The following MID1IP1 variants were observed in gnomAD, a reference collection of about 807,000 sequenced individuals.
MID1IP1 encodes mid1-interacting protein 1.
Under a neutral mutation model 6.8 loss-of-function variants are expected in MID1IP1, and 3 were observed. That is an observed-to-expected ratio of 0.44 (90% confidence interval 0.20 to 1.14). The LOEUF (loss-of-function observed/expected upper bound fraction) is 1.14. Among genes scored for constraint, MID1IP1 ranks in the 50% most tolerant of loss-of-function variants. The pLI is 0.26. For missense variants in MID1IP1, 127 were observed against 158.4 expected, an observed-to-expected ratio of 0.80 and a Z score of 1.06; for synonymous variants, 87 against 70.4, an observed-to-expected ratio of 1.24 and a Z score of -1.18.
At position 38,805,128 on chromosome X, in the gene MID1IP1, G is replaced by C. The variant is rs757312292; in HGVS notation, c.182G>C (p.Gly61Ala). 8.3e-7 allele frequency: 1 copy of C among 1,208,417 alleles called. No homozygotes were observed. Among genetic ancestry groups the C allele is most frequent in the African/African-American group, 1.7e-5 (1 of 57,760 alleles). ...DVGVEVGGSG[G>A]CLEERTPPVP... The stretch of plus-strand genomic sequence containing the variant: ...GGCGTGGAGGTAGGCGGCAGTGGCG[G>C]CTGCCTGGAGGAGCGCACGCCCCCA... Residue 61 changes from glycine (G) to alanine (A), a missense_variant, in exon 3 of 3, where the codon GGC (glycine) becomes GCC (alanine). Transcript: ENST00000614558.
intron 2 of MID1IP1, 79 bp downstream of exon 2, chrX:38,804,492 G>GGTA (rs1481624735): frequency 5.1e-5 from 6 of 117,697 alleles, no homozygotes; most frequent in African/African-American, 1.6e-4. Flanking sequence ...AAGTTGTGGT[G>GGTA]GTGGGGGGAC....
Position 38,805,464 on chromosome X carries a change from A to C in MID1IP1, c.518A>C (p.Lys173Thr). ...RKANILTNRY[K>T]QEIGFGNWGH ...GCCAACATCCTCACTAACAGATACA[A>C]GCAGGAGATCGGCTTCGGCAATTGG... Residue 173 changes from lysine (K) to threonine (T), a missense_variant, in exon 3 of 3, where the codon AAG becomes ACG. Coordinates refer to ENST00000614558, the MANE Select transcript of MID1IP1 (RefSeq NM_021242.6). 1 of 1,209,652 alleles carries C rather than the reference A, an allele frequency of 8.3e-7. No homozygotes were observed. The highest frequency in any genetic ancestry group is 1.1e-6 in the Non-Finnish European group (1 of 895,087).
Position 38,805,253 on chromosome X carries a change from TG to T in MID1IP1, c.313del (p.Val105SerfsTer138). On this transcript the variant is annotated frameshift_variant, in exon 3 of 3. Coordinates refer to ENST00000614558, the MANE Select transcript of MID1IP1 (RefSeq NM_021242.6). LOFTEE classifies it high-confidence loss of function. ...CAAGTCCATCCGCAACGACATCGAG[TG>T]GGGGGTCCTGCACCAGCCGCCTCCA... ...LLKSIRNDIEWGVLHQPPPPA... is the reference protein window; with the variant it reads ...LLKSIRNDIEXGVLHQPPPPA... 1 of 1,197,358 alleles carries T rather than the reference TG, an allele frequency of 8.4e-7. No individual in the cohort carries two copies. The highest frequency in any genetic ancestry group is 1.1e-6 in the Non-Finnish European group (1 of 887,468).
chrX:38,803,154 A>G lies in MID1IP1; in HGVS notation c.-1524A>G, dbSNP rs1053618190. Reference sequence around the variant, plus strand: ...TATGGCAAGGGACATGAGATGGGAAAAATTAAATAGGCTGTGGTTTGGAAG... The same window carrying G: ...TATGGCAAGGGACATGAGATGGGAAGAATTAAATAGGCTGTGGTTTGGAAG... On this transcript the variant is annotated 5_prime_UTR_variant, in exon 2 of 3. Transcript: ENST00000614558. 3 of 112,799 alleles carry G rather than the reference A, an allele frequency of 2.7e-5. No individual in the cohort carries two copies. Among genetic ancestry groups the G allele is most frequent in the African/African-American group, 6.5e-5 (2 of 30,981 alleles). 9.3% of individuals were successfully genotyped at this position (112,799 alleles called of 1,213,427 possible).
Position 38,805,291 on chromosome X carries a change from C to A in MID1IP1, c.345C>A (p.Ser115Arg). 8.3e-7 allele frequency: 1 copy of A among 1,201,969 alleles called. No homozygotes were observed. ...ACCAGCCGCCTCCACCGGCTGGGAG[C>A]GAGGAGGGCAGTGCCTGGAAGTCCA... ...VLHQPPPPAG[S>R]EEGSAWKSKD... is the part of the protein sequence containing the mutation. The change falls in exon 3 of 3, where the codon AGC (serine) becomes AGA (arginine). Residue 115 changes from serine (S) to arginine (R), a missense_variant. By Grantham distance (110) the Ser-to-Arg change is moderately radical. Coordinates refer to ENST00000614558, the MANE Select transcript of MID1IP1 (RefSeq NM_021242.6).
In MID1IP1 at chrX:38,805,205, A is replaced by G; in HGVS notation, c.259A>G (p.Met87Val). The stretch of plus-strand genomic sequence containing the variant: ...CAGCTTTTTCGCGCCCTCTCGGGAC[A>G]TGTACAGCCACTACGTGCTTCTCAA... ...NGSFFAPSRD[M>V]YSHYVLLKSI... The change falls in exon 3 of 3, where the codon ATG (methionine) becomes GTG (valine). Residue 87 changes from methionine (M) to valine (V), a missense_variant. By Grantham distance (21) the Met-to-Val change is conservative (BLOSUM62 1). Transcript: ENST00000614558. 8.3e-7 allele frequency: 1 copy of G among 1,208,690 alleles called. No homozygotes were observed. The highest frequency in any genetic ancestry group is 1.1e-6 in the Non-Finnish European group (1 of 893,949).
chrX:38,805,112 G>A lies in MID1IP1; in HGVS notation c.166G>A (p.Val56Ile), dbSNP rs372319620. The change falls in exon 3 of 3, where the codon GTA (valine) becomes ATA (isoleucine). Residue 56 changes from valine to isoleucine, a missense_variant. Physicochemically the swap from Val to Ile is conservative, Grantham distance 29 (BLOSUM62 3). Transcript: ENST00000614558. Reference sequence around the variant, plus strand: ...GTTAGACAACGATGTTGGCGTGGAGGTAGGCGGCAGTGGCGGCTGCCTGGA... The same window carrying A: ...GTTAGACAACGATGTTGGCGTGGAGATAGGCGGCAGTGGCGGCTGCCTGGA... ...PGLDNDVGVE[V>I]GGSGGCLEER... is the part of the protein sequence containing the mutation. The A allele has an allele frequency of 5.0e-6, 6 of 1,208,966 alleles. No individual in the cohort carries two copies. In the African/African-American group the frequency reaches 1.0e-4, roughly 21 times the overall value.
In MID1IP1 at chrX:38,806,182, T is replaced by G. The variant is rs2070517273; in HGVS notation, c.*684T>G. 8.6e-6 allele frequency: 1 copy of G among 115,853 alleles called. No homozygotes were observed. The highest frequency in any genetic ancestry group is 1.0e-4 in the Admixed American group (1 of 9,794). The allele number at this position is 115,853 out of a possible 1,213,427, so 9.5% of individuals were successfully genotyped here. A position where few individuals can be genotyped will look rare whatever the true frequency, so the allele number is the denominator to read the frequency against. ...TGGCACCCCCACCCCATCCCTTTCG[T>G]GCCACTCCCGTCCCCACCCCCACCC... On this transcript the variant is annotated 3_prime_UTR_variant, in exon 3 of 3. Coordinates refer to ENST00000614558, the MANE Select transcript of MID1IP1 (RefSeq NM_021242.6).
chrX:38,805,171 C>A lies in MID1IP1; in HGVS notation c.225C>A (p.Ser75Arg), dbSNP rs769397694. Residue 75 changes from serine (S) to arginine (R), a missense_variant, in exon 3 of 3, where the codon AGC (serine) becomes AGA (arginine). Transcript: ENST00000614558. ...ERTPPVPDSG[S>R]ANGSFFAPSR... ...CGCCCCCAGTCCCCGACTCGGGAAGCGCCAATGGCAGCTTTTTCGCGCCCT... is the reference window on the plus strand; with the variant it reads ...CGCCCCCAGTCCCCGACTCGGGAAGAGCCAATGGCAGCTTTTTCGCGCCCT... 1 of 1,210,436 alleles carries A rather than the reference C, an allele frequency of 8.3e-7. No individual in the cohort carries two copies. The highest frequency in any genetic ancestry group is 1.8e-5 in the South Asian group (1 of 56,839).
chrX:38,805,450 C>A lies in MID1IP1; in HGVS notation c.504C>A (p.Leu168=). The A allele has an allele frequency of 1.7e-6, 2 of 1,210,046 alleles. No individual in the cohort carries two copies. Among genetic ancestry groups the A allele is most frequent in the Non-Finnish European group, 2.2e-6 (2 of 895,215 alleles). The part of the protein sequence containing the change: ...LSKLTRKANI[L]TNRYKQEIGF... ...AACTCACGCGCAAAGCCAACATCCT[C>A]ACTAACAGATACAAGCAGGAGATCG... is the stretch of plus-strand genomic sequence containing the variant. The change falls in exon 3 of 3, where the codon CTC becomes CTA. Residue 168 remains leucine (L), a synonymous_variant. Transcript: ENST00000614558.
Position 38,805,307 on chromosome X carries a change from T to C in MID1IP1, c.361T>C (p.Trp121Arg), listed in dbSNP as rs773293948. ...PPAGSEEGSA[W>R]KSKDILVDLG... is the part of the protein sequence containing the mutation. Reference sequence around the variant, plus strand: ...GGCTGGGAGCGAGGAGGGCAGTGCCTGGAAGTCCAAGGACATCCTGGTGGA... The same window carrying C: ...GGCTGGGAGCGAGGAGGGCAGTGCCCGGAAGTCCAAGGACATCCTGGTGGA... Residue 121 changes from tryptophan (W) to arginine (R), a missense_variant, in exon 3 of 3, where the codon TGG becomes CGG. By Grantham distance (101) the Trp-to-Arg change is moderately radical. Transcript: ENST00000614558. 1 of 1,206,268 alleles carries C rather than the reference T, an allele frequency of 8.3e-7. No homozygotes were observed.
rs954473663 is a variant in MID1IP1, at chrX:38,805,832, C to G, written c.*334C>G. ...TCTGTTCTTTTCGGAGGAGAGGGCC[C>G]GAGAAGGGGCCATACCAGGGCGCGG... On this transcript the variant is annotated 3_prime_UTR_variant, in exon 3 of 3. Transcript: ENST00000614558. The G allele has an allele frequency of 3.7e-5, 9 of 245,397 alleles. No homozygotes were observed. The highest frequency in any genetic ancestry group is 3.4e-4 in the South Asian group (4 of 11,650). 20.2% of individuals were successfully genotyped at this position (245,397 alleles called of 1,213,427 possible).
In MID1IP1 at chrX:38,805,703, A is replaced by C. The variant is rs1016957576; in HGVS notation, c.*205A>C. On this transcript the variant is annotated 3_prime_UTR_variant, in exon 3 of 3. Transcript: ENST00000614558. The stretch of plus-strand genomic sequence containing the variant: ...GAAGAAAATGGTGGCCGGAGATGGG[A>C]GGGCCCAAGGAACCTCCTGGGAGGG... 196 of 457,060 alleles carry C rather than the reference A, an allele frequency of 4.3e-4. No individual in the cohort carries two copies. Among genetic ancestry groups the C allele is most frequent in the Non-Finnish European group, 5.7e-4 (148 of 259,407 alleles). 37.7% of individuals were successfully genotyped at this position (457,060 alleles called of 1,213,427 possible). A position where few individuals can be genotyped will look rare whatever the true frequency, so the allele number is the denominator to read the frequency against.
rs770642121 is a variant in MID1IP1, at chrX:38,805,295, G to A, written c.349G>A (p.Glu117Lys). The change falls in exon 3 of 3, where the codon GAG becomes AAG. Residue 117 changes from glutamate (E) to lysine (K), a missense_variant. Physicochemically the swap from Glu to Lys is moderately conservative, Grantham distance 56. Transcript: ENST00000614558. ...HQPPPPAGSE[E>K]GSAWKSKDIL... is the part of the protein sequence containing the mutation. The stretch of plus-strand genomic sequence containing the variant: ...GCCGCCTCCACCGGCTGGGAGCGAG[G>A]AGGGCAGTGCCTGGAAGTCCAAGGA... 4.2e-6 allele frequency: 5 copies of A among 1,201,542 alleles called. No homozygotes were observed. Among genetic ancestry groups the A allele is most frequent in the East Asian group, 3.0e-5 (1 of 33,599 alleles).
chrX:38,805,179 G>C lies in MID1IP1; in HGVS notation c.233G>C (p.Gly78Ala), dbSNP rs1342984634. The C allele has an allele frequency of 8.3e-7, 1 of 1,210,569 alleles. No homozygotes were observed. ...PPVPDSGSAN[G>A]SFFAPSRDMY... is the part of the protein sequence containing the mutation. ...GTCCCCGACTCGGGAAGCGCCAATG[G>C]CAGCTTTTTCGCGCCCTCTCGGGAC... The change falls in exon 3 of 3, where the codon GGC becomes GCC. Residue 78 changes from glycine (G) to alanine (A), a missense_variant. Gly to Ala is a moderately conservative substitution (Grantham distance 60). Transcript: ENST00000614558.
rs2070496176 is a variant in MID1IP1 at position 38,804,692 on chromosome X, C to A, written c.-255C>A. 2.7e-6 allele frequency: 1 copy of A among 374,639 alleles called. No homozygotes were observed. The highest frequency in any genetic ancestry group is 4.7e-6 in the Non-Finnish European group (1 of 214,826). The allele number at this position is 374,639 out of a possible 1,213,427, so 30.9% of individuals were successfully genotyped here. ...TCCGTGTATCAAACAGGCCAGGGCTCGACCCACAGAGCACCCTCAGCCATC... is the reference window on the plus strand; with the variant it reads ...TCCGTGTATCAAACAGGCCAGGGCTAGACCCACAGAGCACCCTCAGCCATC... On this transcript the variant is annotated 5_prime_UTR_variant, in exon 3 of 3. Coordinates refer to ENST00000614558, the MANE Select transcript of MID1IP1 (RefSeq NM_021242.6).
chrX:38,805,513 G>A lies in MID1IP1; in HGVS notation c.*15G>A, dbSNP rs749204158. Reference sequence around the variant, plus strand: ...GGGGCCACTGAGGCGTGGCGCCCGTGGCTGCCCAGCACCTTCTTCGACCCA... The same window carrying A: ...GGGGCCACTGAGGCGTGGCGCCCGTAGCTGCCCAGCACCTTCTTCGACCCA... On this transcript the variant is annotated 3_prime_UTR_variant, in exon 3 of 3. Coordinates refer to ENST00000614558, the MANE Select transcript of MID1IP1 (RefSeq NM_021242.6). 2.9e-5 allele frequency: 35 copies of A among 1,196,526 alleles called. No individual in the cohort carries two copies. The South Asian group carries it at 5.7e-4, about 19-fold the overall frequency.
chrX:38,806,255 T>A lies in MID1IP1; in HGVS notation c.*757T>A, dbSNP rs1347349586. 1.0e-5 allele frequency: 1 copy of A among 95,717 alleles called. No homozygotes were observed. The highest frequency in any genetic ancestry group is 2.1e-5 in the Non-Finnish European group (1 of 47,002). The allele number at this position is 95,717 out of a possible 1,213,427, so 7.9% of individuals were successfully genotyped here. A position where few individuals can be genotyped will look rare whatever the true frequency, so the allele number is the denominator to read the frequency against. ...CGCCAGCTTGTACGTAGCTTGCCAC[T>A]CAGTGAAAATAATAACATTATTATG... On this transcript the variant is annotated 3_prime_UTR_variant, in exon 3 of 3. Coordinates refer to ENST00000614558, the MANE Select transcript of MID1IP1 (RefSeq NM_021242.6).
In MID1IP1 at chrX:38,804,810, C is replaced by A; in HGVS notation, c.-137C>A. ...AGAGTTGGCGAGGGCGGAGGAGTGC[C>A]GGGAATCCCGCCACACCGGCTATAG... On this transcript the variant is annotated 5_prime_UTR_variant, in exon 3 of 3. Coordinates refer to ENST00000614558, the MANE Select transcript of MID1IP1 (RefSeq NM_021242.6). 1.5e-6 allele frequency: 1 copy of A among 650,791 alleles called. No homozygotes were observed. Among genetic ancestry groups the A allele is most frequent in the Non-Finnish European group, 2.2e-6 (1 of 447,726 alleles). 53.6% of individuals were successfully genotyped at this position (650,791 alleles called of 1,213,427 possible). A position where few individuals can be genotyped will look rare whatever the true frequency, so the allele number is the denominator to read the frequency against.
Sources: gnomAD v4.1 joint callset for allele counts on GRCh38, gnomAD v4.1.1 for gene constraint, MANE v1.5 for transcripts, NCBI Gene and HGNC (gene_info 2026-07-23, HGNC 2026-07-21) for gene names.